Variants in DLGAP2 observed in about 807,000 individuals in gnomAD.
DLGAP2 encodes disks large-associated protein 2.
In DLGAP2, 26 loss-of-function variants were observed where a neutral mutation model predicts 100.3. The observed-to-expected ratio is 0.26, with a 90% CI of 0.19 to 0.36. The LOEUF (loss-of-function observed/expected upper bound fraction) is 0.36. Among genes scored for constraint, DLGAP2 ranks in the 10% least tolerant of loss-of-function variants. The probability of loss-of-function intolerance (pLI) is 1.00; values close to 1 mark genes in which losing one functional copy is unlikely to be tolerated. For synonymous variants in DLGAP2, 886 were observed against 630.1 expected, an observed-to-expected ratio of 1.41 and a Z score of -6.08; for missense variants, 1,858 against 1,453.2, an observed-to-expected ratio of 1.28 and a Z score of -4.53.
At chr8:833,670 G>A (rs1796821796) in intron 1 of DLGAP2, among the ~76,000 whole-genome samples, 1 of 152,194 alleles carries the variant, frequency 6.6e-6, no homozygotes, top group South Asian at 2.1e-4. Flanking sequence ...GCCACGTGAG[G>A]TCACCAGTTC....
At chr8:1,094,207 A>C (rs1320863919) in intron 2 of DLGAP2, among the ~76,000 whole-genome samples, 2 of 152,200 alleles carry the variant, frequency 1.3e-5, no homozygotes, top group Non-Finnish European at 2.9e-5. Context: ...GGACTGGCTG[A>C]GACTTTGGAC....
chr8:1,187,366 C>G (rs1797528340), intron 2 of DLGAP2, among the ~76,000 whole-genome samples: 1 of 143,772 alleles, frequency 7.0e-6, no homozygotes, highest in South Asian at 2.2e-4. Context: ...CACGGAATCT[C>G]ACACGCCCGG....
At chr8:1,331,353 CA>C (rs1220144000) in intron 3 of DLGAP2, among the ~76,000 whole-genome samples, 1 of 152,156 alleles carries the variant, frequency 6.6e-6, no homozygotes, top group Non-Finnish European at 1.5e-5. Context: ...TTTCACAGCC[CA>C]GGGTGGGCTA....
intron 1 of DLGAP2, among the ~76,000 whole-genome samples, chr8:872,259 A>G (rs1413720047): frequency 6.6e-6 from 1 of 152,032 alleles, no homozygotes; most frequent in African/African-American, 2.4e-5. Context: ...AGGACAGATG[A>G]AAAGATGCTG....
At chr8:1,045,643 C>G (rs74770360) in intron 2 of DLGAP2, among the ~76,000 whole-genome samples, 5,898 of 152,256 alleles carry the variant, frequency 0.039, 377 homozygotes, top group African/African-American at 0.13. Context: ...CAACCGCGCC[C>G]CCACCCAGGT....
At chr8:1,058,365 C>G (rs891126647) in intron 2 of DLGAP2, among the ~76,000 whole-genome samples, 1 of 152,230 alleles carries the variant, frequency 6.6e-6, no homozygotes, top group African/African-American at 2.4e-5. Flanking sequence ...GACGGGCGAC[C>G]TGACTGCTGC....
rs185774310 is a variant in DLGAP2, at chr8:884,728, T to C, written c.19-23184T>C. Among the ~76,000 whole-genome samples, 339 of 152,368 alleles carry C rather than the reference T, an allele frequency of 2.2e-3. 1 individual carries two copies. The highest frequency in any genetic ancestry group is 3.0e-3 in the Non-Finnish European group (201 of 68,034). On this transcript the variant is annotated intron_variant, in intron 1 of 14. Coordinates refer to ENST00000637795, the MANE Select transcript of DLGAP2 (RefSeq NM_001346810.2). Reference sequence around the variant, plus strand: ...CCCTTGCCTATGTCCTGAATGGTGTTGCCTAGGTTTTCTTCTAGGATTTTT... The same window carrying C: ...CCCTTGCCTATGTCCTGAATGGTGTCGCCTAGGTTTTCTTCTAGGATTTTT...
chr8:1,254,250 C>T (rs149438683), intron 2 of DLGAP2, among the ~76,000 whole-genome samples: 11 of 152,214 alleles, frequency 7.2e-5, no homozygotes, highest in Admixed American at 2.6e-4. Context: ...CTCCCCTGCC[C>T]TGGGGGAACC....
At chr8:1,365,087 G>T (rs751242713) in intron 3 of DLGAP2, among the ~76,000 whole-genome samples, 1 of 152,190 alleles carries the variant, frequency 6.6e-6, no homozygotes, top group East Asian at 1.9e-4. Context: ...GCAAGGACAC[G>T]TTTTTATAAA....
At chr8:1,421,747 C>G (rs1797092589) in intron 3 of DLGAP2, among the ~76,000 whole-genome samples, 1 of 152,024 alleles carries the variant, frequency 6.6e-6, no homozygotes, top group Non-Finnish European at 1.5e-5. Context: ...GGGTGGATCA[C>G]GAGGTCAGCA....
Position 1,701,497 on chromosome 8 carries a change from C to T in DLGAP2, c.*91C>T, listed in dbSNP as rs1339398117. The T allele has an allele frequency of 2.3e-6, 3 of 1,320,104 alleles. No individual in the cohort carries two copies. Among genetic ancestry groups the T allele is most frequent in the Non-Finnish European group, 3.1e-6 (3 of 977,438 alleles). 81.8% of individuals were successfully genotyped at this position (1,320,104 alleles called of 1,614,324 possible). Reference sequence around the variant, plus strand: ...GCCCTGGTGGTTTCTGTCTCCTCCTCCCGCTGAACACGTCCTCGCTCCCGC... The same window carrying T: ...GCCCTGGTGGTTTCTGTCTCCTCCTTCCGCTGAACACGTCCTCGCTCCCGC... On this transcript the variant is annotated 3_prime_UTR_variant, in exon 15 of 15. Coordinates refer to ENST00000637795, the MANE Select transcript of DLGAP2 (RefSeq NM_001346810.2).
intron 1 of DLGAP2, among the ~76,000 whole-genome samples, chr8:786,364 T>C (rs949664367): frequency 6.6e-6 from 1 of 152,144 alleles, no homozygotes; most frequent in African/African-American, 2.4e-5. Context: ...GGCGTGGTGC[T>C]TCTCATGCCT....
intron 1 of DLGAP2, among the ~76,000 whole-genome samples, chr8:822,445 T>C (rs1796601049): frequency 6.6e-6 from 1 of 152,204 alleles, no homozygotes. Flanking sequence ...TGTTTCTCTG[T>C]TCAAACAGAG....
At chr8:859,313 T>C (rs1037884740) in intron 1 of DLGAP2, among the ~76,000 whole-genome samples, 4 of 152,172 alleles carry the variant, frequency 2.6e-5, no homozygotes, top group Admixed American at 1.3e-4. Flanking sequence ...GGTTTCACCA[T>C]GTTGGCCAGG....
intron 4 of DLGAP2, among the ~76,000 whole-genome samples, chr8:1,528,334 G>C (rs961154808): frequency 6.6e-6 from 1 of 152,250 alleles, no homozygotes; most frequent in African/African-American, 2.4e-5. Context: ...TCACTGCCCA[G>C]GCCTGGAGTG....
At chr8:1,449,981 A>T (rs1340048253) in intron 3 of DLGAP2, among the ~76,000 whole-genome samples, 24 of 37,080 alleles carry the variant, frequency 6.5e-4, no homozygotes, top group African/African-American at 9.4e-4. Flanking sequence ...TCGGTGACTG[A>T]GGCGGAGCTG....
intron 4 of DLGAP2, among the ~76,000 whole-genome samples, chr8:1,515,872 C>G (rs1349839289): frequency 6.6e-6 from 1 of 152,240 alleles, no homozygotes; most frequent in African/African-American, 2.4e-5. Flanking sequence ...CCCTTTTCCT[C>G]CACATCTCAC....
At chr8:1,161,445 G>C (rs1255043216) in intron 2 of DLGAP2, among the ~76,000 whole-genome samples, 1 of 152,232 alleles carries the variant, frequency 6.6e-6, no homozygotes, top group Non-Finnish European at 1.5e-5. Context: ...AATGCTGGCA[G>C]AGGGCTCAGC....
At position 1,474,727 on chromosome 8, in the gene DLGAP2, C is replaced by T. The variant is rs964130779; in HGVS notation, c.107-26639C>T. Among the ~76,000 whole-genome samples the T allele has an allele frequency of 1.6e-4, 25 of 152,226 alleles. 1 individual carries two copies. Among genetic ancestry groups the T allele is most frequent in the Admixed American group, 1.2e-3 (19 of 15,290 alleles). ...CTTTTGTTAAAAGGTTAAAAATAAC[C>T]TGTTTAACAGGTTGGCAAGGCTATG... On this transcript the variant is annotated intron_variant, in intron 3 of 14. Coordinates refer to ENST00000637795, the MANE Select transcript of DLGAP2 (RefSeq NM_001346810.2).
Sources: allele counts gnomAD v4.1 joint callset (sites outside exome capture counted in the v4.1 genomes callset), GRCh38; gene constraint gnomAD v4.1.1; transcripts MANE v1.5; gene names NCBI Gene and HGNC (gene_info 2026-07-23, HGNC 2026-07-21).